RNF125: variants seen among roughly 807,000 people sequenced by gnomAD.
RNF125 encodes the protein ring finger protein 125.
In RNF125, 21 loss-of-function variants were observed where a neutral mutation model predicts 26.0. The ratio of observed to expected loss-of-function variants is 0.81; its 90% CI spans 0.57 to 1.16. The LOEUF (loss-of-function observed/expected upper bound fraction) is 1.16, where lower values mean the gene tolerates loss of function less well. Ranked by LOEUF, RNF125 falls within the 50% of genes most tolerant of loss-of-function variation. The pLI, the probability that RNF125 is intolerant of heterozygous loss-of-function variation, is 0.00. For missense variants in RNF125, 270 were observed against 299.4 expected (o/e 0.90, Z 0.72); for synonymous variants, 95 against 109.2 (o/e 0.87, Z 0.81).
chr18:32,066,154 A>G (rs2039483554), intron 5 of RNF125, 145 bp downstream of exon 5: 1 of 571,384 alleles, frequency 1.8e-6, no homozygotes, highest in Admixed American at 3.0e-5. Flanking sequence ...GAAATCATGA[A>G]AATAGAATGT....
the RNF125 span, among the ~76,000 whole-genome samples, chr18:32,086,355 GTTTT>G: frequency 3.0e-5 from 4 of 133,684 alleles, no homozygotes; most frequent in Admixed American, 7.7e-5. Context: ...AGATATTTGT[GTTTT>G]TTTTTTTTTT....
intron 1 of RNF125, among the ~76,000 whole-genome samples, chr18:32,036,635 A>AGGGAGGGGAGAGGGGAGGGG (rs2039158351): frequency 3.6e-5 from 1 of 27,996 alleles, no homozygotes; most frequent in Non-Finnish European, 7.1e-5. Flanking sequence ...GAGGGGAGGG[A>AGGGAGGGGAGAGGGGAGGGG]GGGAGGGGAG....
At chr18:32,044,710 C>T (rs73954971) in intron 3 of RNF125, among the ~76,000 whole-genome samples, 2,467 of 152,234 alleles carry the variant, frequency 0.016, 58 homozygotes, top group African/African-American at 0.054. Context: ...ATTACCTTTT[C>T]CTTCCTCCCT....
chr18:32,065,986 A>G lies in RNF125; in HGVS notation c.589A>G (p.Thr197Ala). Reference protein sequence around the residue: ...SLIRHLQVSHTLFYDDFIDFN... With the variant: ...SLIRHLQVSHALFYDDFIDFN... ...AATAAGACATCTGCAAGTTAGTCAC[A>G]CTTTGTTTTATGATGATTTCATAGT... The change falls in exon 5 of 6, where the codon ACT becomes GCT. Residue 197 changes from threonine to alanine, a missense_variant. Thr to Ala is a moderately conservative substitution (Grantham distance 58). Coordinates refer to ENST00000217740, the MANE Select transcript of RNF125 (RefSeq NM_017831.4). 6.2e-7 allele frequency: 1 copy of G among 1,605,038 alleles called. No individual in the cohort carries two copies. Among genetic ancestry groups the G allele is most frequent in the Non-Finnish European group, 8.5e-7 (1 of 1,171,788 alleles).
intron 2 of RNF125, among the ~76,000 whole-genome samples, chr18:32,041,561 C>T (rs1051699434): frequency 6.7e-6 from 1 of 149,006 alleles, no homozygotes; most frequent in African/African-American, 2.5e-5. Context: ...TATGTAATGG[C>T]ATGCAAAAGA....
the RNF125 span, among the ~76,000 whole-genome samples, chr18:32,081,492 A>G: frequency 6.6e-6 from 1 of 152,210 alleles, no homozygotes; most frequent in Non-Finnish European, 1.5e-5. Context: ...TGAAGCTTAA[A>G]GCACAGAACA....
At chr18:32,027,996 CAGAA>C (rs1051388852) in intron 1 of RNF125, among the ~76,000 whole-genome samples, 1 of 151,768 alleles carries the variant, frequency 6.6e-6, no homozygotes, top group Non-Finnish European at 1.5e-5. Flanking sequence ...TAGAAGCTCT[CAGAA>C]AGAATGGGCA....
At position 32,071,779 on chromosome 18, in the gene RNF125, A is replaced by G. The variant is rs1384082368; in HGVS notation, c.*3395A>G. 10 of 152,186 alleles carry G rather than the reference A, an allele frequency of 6.6e-5. No homozygotes were observed. Among genetic ancestry groups the G allele is most frequent in the Admixed American group, 6.6e-4 (10 of 15,260 alleles). The allele number at this position is 152,186 out of a possible 1,614,324, so 9.4% of individuals were successfully genotyped here. A position where few individuals can be genotyped will look rare whatever the true frequency, so the allele number is the denominator to read the frequency against. On this transcript the variant is annotated 3_prime_UTR_variant, in exon 6 of 6. Transcript: ENST00000217740. ...CTGAATGAAATCTAGTGAGCCTCAT[A>G]TCCTCCCTTTTAGATATTGATTTTA...
chr18:32,037,641 G>C (rs1261311000), intron 2 of RNF125, among the ~76,000 whole-genome samples: 1 of 152,066 alleles, frequency 6.6e-6, no homozygotes, highest in Non-Finnish European at 1.5e-5. Context: ...CAAAGTGCTG[G>C]TGAGATGTGA....
chr18:32,026,503 G>A (rs750152117), intron 1 of RNF125, among the ~76,000 whole-genome samples: 6 of 151,984 alleles, frequency 3.9e-5, no homozygotes, highest in Non-Finnish European at 8.8e-5. Context: ...GCCTCCCAGA[G>A]TGCTGGGATT....
At position 32,037,285 on chromosome 18, in the gene RNF125, C is replaced by T. The variant is rs1211703113; in HGVS notation, c.318+16C>T. The T allele has an allele frequency of 1.3e-6, 2 of 1,516,854 alleles. No homozygotes were observed. The highest frequency in any genetic ancestry group is 1.8e-6 in the Non-Finnish European group (2 of 1,134,418). The allele number at this position is 1,516,854 out of a possible 1,614,324, so 94.0% of individuals were successfully genotyped here. ...TGACACCCTGGTATGTATGTGACCC[C>T]ACCTATTTTCATGGTTACCAGCTTA... On this transcript the variant is annotated intron_variant, in intron 2 of 5. Transcript: ENST00000217740.
chr18:32,063,409 AT>A (rs2039453472), intron 4 of RNF125, among the ~76,000 whole-genome samples: 1 of 152,198 alleles, frequency 6.6e-6, no homozygotes, highest in East Asian at 1.9e-4. Flanking sequence ...AAATAAAAAA[AT>A]TTGGACAATA....
intron 4 of RNF125, among the ~76,000 whole-genome samples, chr18:32,065,481 C>T (rs1233776110): frequency 6.6e-6 from 1 of 151,968 alleles, no homozygotes; most frequent in African/African-American, 2.4e-5. Context: ...CGTGATCCAC[C>T]CGCCTCAACC....
chr18:32,090,478 T>C, the RNF125 span, among the ~76,000 whole-genome samples: 12 of 152,262 alleles, frequency 7.9e-5, no homozygotes, highest in Middle Eastern at 3.4e-3. Flanking sequence ...AAAATATAGT[T>C]TGGTAGAGGG....
chr18:32,046,370 GC>G (rs1480116461), intron 4 of RNF125, among the ~76,000 whole-genome samples: 1 of 151,996 alleles, frequency 6.6e-6, no homozygotes, highest in East Asian at 1.9e-4. Context: ...GCCGAGGCAG[GC>G]AGATCACGAG....
the RNF125 span, among the ~76,000 whole-genome samples, chr18:32,080,760 A>G: frequency 6.6e-6 from 1 of 152,286 alleles, no homozygotes; most frequent in Non-Finnish European, 1.5e-5. Context: ...GTGATGGCGG[A>G]CGCCTGTAGT....
downstream of RNF125, chr18:32,075,744 C>A: frequency 5.0e-6 from 2 of 396,786 alleles, no homozygotes; most frequent in Admixed American, 3.9e-5. Flanking sequence ...TTGGAGAGAT[C>A]TTTAAAAGCA....
At chr18:32,044,573 C>T (rs1017224693) in intron 3 of RNF125, among the ~76,000 whole-genome samples, 10 of 151,414 alleles carry the variant, frequency 6.6e-5, no homozygotes, top group Admixed American at 2.0e-4. Flanking sequence ...TAGAGTTTCA[C>T]GCCTGTTGCC....
chr18:32,085,984 A>G, the RNF125 span, among the ~76,000 whole-genome samples: 1 of 152,102 alleles, frequency 6.6e-6, no homozygotes, highest in Non-Finnish European at 1.5e-5. Flanking sequence ...GAAGGTGTTT[A>G]ATTAATCTTG....
Sources: allele counts gnomAD v4.1 joint callset (sites outside exome capture counted in the v4.1 genomes callset), GRCh38; gene constraint gnomAD v4.1.1; transcripts MANE v1.5; gene names NCBI Gene and HGNC (gene_info 2026-07-23, HGNC 2026-07-21).